The following PALM2AKAP2 variants were observed in gnomAD, a reference collection of about 807,000 sequenced individuals.
PALM2AKAP2 encodes PALM2-AKAP2 fusion protein.
PALM2AKAP2 carries 37 observed loss-of-function variants against 71.5 expected under a neutral mutation model. The ratio of observed to expected loss-of-function variants is 0.52; its 90% CI spans 0.40 to 0.68. The LOEUF (loss-of-function observed/expected upper bound fraction) is 0.68. Among genes scored for constraint, PALM2AKAP2 ranks in the 30% least tolerant of loss-of-function variants. The pLI is 0.00. For missense variants in PALM2AKAP2, 1,224 were observed against 1,191.8 expected (o/e 1.03, Z -0.40); for synonymous variants, 468 against 478.8 (o/e 0.98, Z 0.29).
At chr9:110,076,743 T>A (rs931499978) in intron 1 of PALM2AKAP2, among the ~76,000 whole-genome samples, 3 of 152,056 alleles carry the variant, frequency 2.0e-5, no homozygotes, top group Non-Finnish European at 4.4e-5. Flanking sequence ...TTTAGATGCA[T>A]ATGGAAGACC....
intron 1 of PALM2AKAP2, among the ~76,000 whole-genome samples, chr9:109,688,255 A>C (rs532194309): frequency 6.6e-6 from 1 of 152,370 alleles, no homozygotes; most frequent in African/African-American, 2.4e-5. Flanking sequence ...TTTGTAAAAA[A>C]TGTAATATTT....
At chr9:109,687,288 C>T (rs956769636) in intron 1 of PALM2AKAP2, among the ~76,000 whole-genome samples, 4 of 152,170 alleles carry the variant, frequency 2.6e-5, no homozygotes, top group African/African-American at 9.7e-5. Flanking sequence ...ATTGACTTCT[C>T]CTCTCTAGCT....
intron 1 of PALM2AKAP2, among the ~76,000 whole-genome samples, chr9:110,073,441 T>G (rs1439647577): frequency 6.6e-6 from 1 of 152,176 alleles, no homozygotes; most frequent in Non-Finnish European, 1.5e-5. Context: ...CACTTGACAC[T>G]CTTTGGATCA....
Position 109,685,859 on chromosome 9 carries a change from T to C in PALM2AKAP2, c.5+44993T>C, listed in dbSNP as rs149196299. On this transcript the variant is annotated intron_variant, in intron 1 of 6. Transcript: ENST00000374531. ...TGTAGCATGCAATGCTGTTCGATAG[T>C]ATTTTACACATAGTAATTTTTTTTT... is the stretch of plus-strand genomic sequence containing the variant. 1.2e-3 allele frequency among the ~76,000 whole-genome samples: 180 copies of C among 152,298 alleles called. 1 individual carries two copies. Among genetic ancestry groups the C allele is most frequent in the African/African-American group, 4.1e-3 (169 of 41,556 alleles).
At chr9:109,889,400 G>A (rs145243405) in intron 3 of PALM2AKAP2, among the ~76,000 whole-genome samples, 2 of 152,308 alleles carry the variant, frequency 1.3e-5, no homozygotes, top group East Asian at 1.9e-4. Flanking sequence ...AAGCCTGAAA[G>A]TGACAGGAAA....
intron 1 of PALM2AKAP2, among the ~76,000 whole-genome samples, chr9:109,682,264 A>G (rs995219366): frequency 2.0e-5 from 3 of 152,180 alleles, no homozygotes; most frequent in Admixed American, 6.6e-5. Flanking sequence ...AGCCATAAGA[A>G]TGGTATAAAT....
At chr9:110,136,645 C>G in exon 2 of PALM2AKAP2, 2 of 1,614,154 alleles carry the variant, frequency 1.2e-6, no homozygotes, top group East Asian at 4.5e-5. Context: ...GCCATTCCCC[C>G]AGCCAGCCTA....
chr9:110,111,589 G>A (rs1028612371), intron 1 of PALM2AKAP2, among the ~76,000 whole-genome samples: 1 of 152,036 alleles, frequency 6.6e-6, no homozygotes, highest in African/African-American at 2.4e-5. Context: ...ATCCCCTAAC[G>A]GCAAAATGAA....
chr9:109,880,243 C>G (rs1829815356), intron 2 of PALM2AKAP2, among the ~76,000 whole-genome samples: 1 of 152,138 alleles, frequency 6.6e-6, no homozygotes, highest in Admixed American at 6.5e-5. Flanking sequence ...AGTTTAAAAT[C>G]ATTTGATGAG....
At chr9:110,025,750 T>C (rs1321122584) in intron 7 of PALM2AKAP2, among the ~76,000 whole-genome samples, 2 of 152,242 alleles carry the variant, frequency 1.3e-5, no homozygotes, top group Non-Finnish European at 2.9e-5. Flanking sequence ...TGGAGTCGTA[T>C]GTCATTGTGG....
chr9:110,042,442 C>T (rs779639869), intron 7 of PALM2AKAP2, among the ~76,000 whole-genome samples: 3 of 152,148 alleles, frequency 2.0e-5, no homozygotes, highest in Non-Finnish European at 4.4e-5. Context: ...TACAGAAAAG[C>T]CAATGATGCT....
At chr9:109,694,792 T>C (rs1827945156) in intron 1 of PALM2AKAP2, among the ~76,000 whole-genome samples, 1 of 152,034 alleles carries the variant, frequency 6.6e-6, no homozygotes, top group African/African-American at 2.4e-5. Context: ...ACTGCTGTAA[T>C]TCAAACTCTG....
intron 1 of PALM2AKAP2, among the ~76,000 whole-genome samples, chr9:109,654,716 AAC>A (rs1386197917): frequency 6.6e-6 from 1 of 151,274 alleles, no homozygotes; most frequent in Non-Finnish European, 1.5e-5. Flanking sequence ...ACCCTGGAAT[AAC>A]ACAAATTAGA....
At chr9:110,044,357 T>C (rs1241619310), upstream of PALM2AKAP2, among the ~76,000 whole-genome samples, 1 of 135,356 alleles carries the variant, frequency 7.4e-6, no homozygotes, top group African/African-American at 2.8e-5. Context: ...TTTTTTTTTT[T>C]TTTTTTTTTT....
chr9:109,853,358 T>C (rs1829072062), intron 1 of PALM2AKAP2, among the ~76,000 whole-genome samples: 1 of 152,224 alleles, frequency 6.6e-6, no homozygotes, highest in Non-Finnish European at 1.5e-5. Flanking sequence ...CATTTCAGTG[T>C]ATAGCTTTCC....
intron 1 of PALM2AKAP2, among the ~76,000 whole-genome samples, chr9:109,833,955 A>G (rs1479510098): frequency 6.6e-6 from 1 of 152,214 alleles, no homozygotes; most frequent in Non-Finnish European, 1.5e-5. Flanking sequence ...GCTCACGCCT[A>G]TAAACCCAGG....
chr9:109,825,241 C>A (rs1351616125), intron 1 of PALM2AKAP2, among the ~76,000 whole-genome samples: 2 of 152,150 alleles, frequency 1.3e-5, no homozygotes, highest in Non-Finnish European at 2.9e-5. Context: ...AATGTTAGAC[C>A]TAAAACCATA....
At chr9:109,890,413 C>T (rs913057909) in intron 3 of PALM2AKAP2, among the ~76,000 whole-genome samples, 3 of 152,186 alleles carry the variant, frequency 2.0e-5, no homozygotes, top group Non-Finnish European at 4.4e-5. Context: ...GGCGTGGAGC[C>T]CTCCAGGACA....
chr9:109,761,248 T>C (rs933311242), intron 1 of PALM2AKAP2, among the ~76,000 whole-genome samples: 1 of 152,212 alleles, frequency 6.6e-6, no homozygotes, highest in Non-Finnish European at 1.5e-5. Flanking sequence ...CAAAATAATA[T>C]TATTGCTTTC....
Sources: gnomAD v4.1 joint callset for allele counts (sites outside exome capture counted in the v4.1 genomes callset) on GRCh38, gnomAD v4.1.1 for gene constraint, MANE v1.5 for transcripts, NCBI Gene and HGNC (gene_info 2026-07-23, HGNC 2026-07-21) for gene names.